NCAM2: variants seen among roughly 807,000 people sequenced by gnomAD.
NCAM2 encodes the protein N-CAM-2.
A neutral mutation model predicts 98.1 loss-of-function variants in NCAM2; 30 were observed. That is an observed-to-expected ratio of 0.31 (90% CI 0.23 to 0.41). The LOEUF (loss-of-function observed/expected upper bound fraction) is 0.41, where lower values mean the gene tolerates loss of function less well. Ranked by LOEUF, NCAM2 falls within the 10% of genes least tolerant of loss-of-function variation. The probability of loss-of-function intolerance (pLI) is 1.00; values close to 1 mark genes in which losing one functional copy is unlikely to be tolerated. For synonymous variants in NCAM2, 368 were observed against 342.4 expected (o/e 1.07, Z -0.83); for missense variants, 867 against 1,005.8 (o/e 0.86, Z 1.87).
chr21:21,062,837 CATT>C (rs1258367716), intron 1 of NCAM2, among the ~76,000 whole-genome samples: 1 of 152,224 alleles, frequency 6.6e-6, no homozygotes, highest in South Asian at 2.1e-4. Context: ...CATTTAAAAA[CATT>C]GTGTCATATG....
chr21:21,151,951 T>G (rs2067461302), intron 1 of NCAM2, among the ~76,000 whole-genome samples: 1 of 152,012 alleles, frequency 6.6e-6, no homozygotes, highest in Non-Finnish European at 1.5e-5. Flanking sequence ...TTTCTTTATG[T>G]GTATCCTAAT....
chr21:21,215,444 A>T (rs2069854793), intron 1 of NCAM2, among the ~76,000 whole-genome samples: 1 of 152,100 alleles, frequency 6.6e-6, no homozygotes, highest in African/African-American at 2.4e-5. Flanking sequence ...CAGTCTCTTC[A>T]AGAGTATATG....
rs1173033779 is a variant in NCAM2, at chr21:21,124,138, C to T, written c.55+125520C>T. 3.3e-5 allele frequency among the ~76,000 whole-genome samples: 5 copies of T among 152,032 alleles called. 1 individual carries two copies. Among genetic ancestry groups the T allele is most frequent in the Admixed American group, 1.3e-4 (2 of 15,242 alleles). ...CTGAGCTTACAGGCGTGAGCCACCG[C>T]GCCCGTCCTGATTGCTTTCTAATAA... is the stretch of plus-strand genomic sequence containing the variant. On this transcript the variant is annotated intron_variant, in intron 1 of 17. Coordinates refer to ENST00000400546, the MANE Select transcript of NCAM2 (RefSeq NM_004540.5).
At chr21:21,524,514 G>C (rs984669777) in intron 16 of NCAM2, among the ~76,000 whole-genome samples, 2 of 148,332 alleles carry the variant, frequency 1.3e-5, no homozygotes, top group African/African-American at 5.0e-5. Context: ...TATACAACAA[G>C]AGCGAAACTC....
At chr21:21,018,125 A>G (rs1253166617) in intron 1 of NCAM2, among the ~76,000 whole-genome samples, 3 of 152,212 alleles carry the variant, frequency 2.0e-5, no homozygotes, top group African/African-American at 7.2e-5. Context: ...GTATAACTGA[A>G]GACTAATTAG....
At chr21:21,366,525 G>A (rs1343910640) in intron 8 of NCAM2, among the ~76,000 whole-genome samples, 1 of 151,998 alleles carries the variant, frequency 6.6e-6, no homozygotes, top group African/African-American at 2.4e-5. Context: ...TCAGTAAAAT[G>A]TCATCAAAAT....
chr21:20,999,703 T>TC (rs1197465609), intron 1 of NCAM2, among the ~76,000 whole-genome samples: 1 of 152,218 alleles, frequency 6.6e-6, no homozygotes, highest in Admixed American at 6.5e-5. Context: ...AGTTAAAATA[T>TC]CCCCAAGATA....
chr21:21,023,448 TG>T (rs890955946), intron 1 of NCAM2, among the ~76,000 whole-genome samples: 1 of 151,548 alleles, frequency 6.6e-6, no homozygotes, highest in Admixed American at 6.6e-5. Flanking sequence ...CACTTGAATC[TG>T]GGAGGCGGAG....
chr21:21,537,954 A>G lies in NCAM2; in HGVS notation c.2511A>G (p.Ala837=), dbSNP rs1990074606. ...IIQSKEDDSK[A] The stretch of plus-strand genomic sequence containing the variant: ...AATCAAAAGAAGACGACAGCAAAGC[A>G]TAACAACAATATTACAGGGGCTTGA... The change falls in exon 18 of 18, where the codon GCA becomes GCG. Residue 837 remains alanine, a synonymous_variant. Transcript: ENST00000400546. 3 of 1,507,872 alleles carry G rather than the reference A, an allele frequency of 2.0e-6. No homozygotes were observed. Among genetic ancestry groups the G allele is most frequent in the Non-Finnish European group, 1.8e-6 (2 of 1,108,258 alleles). 93.4% of individuals were successfully genotyped at this position (1,507,872 alleles called of 1,614,324 possible). A position where few individuals can be genotyped will look rare whatever the true frequency, so the allele number is the denominator to read the frequency against.
At chr21:21,409,699 T>G (rs989043601) in intron 9 of NCAM2, among the ~76,000 whole-genome samples, 3 of 152,228 alleles carry the variant, frequency 2.0e-5, no homozygotes, top group African/African-American at 7.2e-5. Flanking sequence ...AATTTAACTC[T>G]GGTTCTCTTA....
intron 1 of NCAM2, among the ~76,000 whole-genome samples, chr21:21,167,711 A>G (rs899530580): frequency 6.6e-6 from 1 of 152,212 alleles, no homozygotes; most frequent in African/African-American, 2.4e-5. Flanking sequence ...TACGAATTTT[A>G]TAACCTACAC....
In NCAM2 at chr21:21,425,880, C is replaced by T. The variant is rs77915426; in HGVS notation, c.1481-6228C>T. ...AATGTTTCTTGCTCTATTCTGGATG[C>T]TATAGCAAAATATATTAGACTCTGT... On this transcript the variant is annotated intron_variant, in intron 11 of 17. Transcript: ENST00000400546. Among the ~76,000 whole-genome samples, 1,153 of 152,182 alleles carry T rather than the reference C, an allele frequency of 7.6e-3. 13 individuals carry two copies. Among genetic ancestry groups the T allele is most frequent in the African/African-American group, 0.027 (1,106 of 41,520 alleles).
At chr21:21,034,078 T>A (rs2064749060) in intron 1 of NCAM2, among the ~76,000 whole-genome samples, 2 of 151,756 alleles carry the variant, frequency 1.3e-5, no homozygotes, top group African/African-American at 4.8e-5. Context: ...AAGATTGAGA[T>A]AAGCAGATAA....
chr21:21,497,232 A>T (rs1053448485), intron 15 of NCAM2, among the ~76,000 whole-genome samples: 1 of 152,078 alleles, frequency 6.6e-6, no homozygotes, highest in Non-Finnish European at 1.5e-5. Flanking sequence ...GGGTTAAAAA[A>T]CTACCAATCA....
intron 10 of NCAM2, among the ~76,000 whole-genome samples, chr21:21,414,916 A>G (rs1299437094): frequency 6.6e-6 from 1 of 150,806 alleles, no homozygotes; most frequent in African/African-American, 2.4e-5. Context: ...GACTAGGTAC[A>G]TTGTCAATGA....
intron 1 of NCAM2, among the ~76,000 whole-genome samples, chr21:21,226,468 A>G (rs17202945): frequency 0.014 from 2,063 of 152,136 alleles, 86 homozygotes; most frequent in East Asian, 0.13. Flanking sequence ...CCCTGATACA[A>G]TTTTCTTTGA....
At chr21:21,438,491 C>T (rs1440605714) in intron 12 of NCAM2, among the ~76,000 whole-genome samples, 1 of 152,116 alleles carries the variant, frequency 6.6e-6, no homozygotes, top group Non-Finnish European at 1.5e-5. Flanking sequence ...AATGATGTGA[C>T]ATGAAACTAA....
chr21:21,046,069 G>A lies in NCAM2; in HGVS notation c.55+47451G>A, dbSNP rs575078806. The stretch of plus-strand genomic sequence containing the variant: ...GTAAAAGGCTTATGATCATAATGAT[G>A]CTTAAATCCAAGTATGGGCATGCAG... On this transcript the variant is annotated intron_variant, in intron 1 of 17. Coordinates refer to ENST00000400546, the MANE Select transcript of NCAM2 (RefSeq NM_004540.5). Among the ~76,000 whole-genome samples the A allele has an allele frequency of 8.5e-5, 13 of 152,260 alleles. No homozygotes were observed. The South Asian group carries it at 2.3e-3, about 27-fold the overall frequency.
chr21:21,112,519 C>G (rs2066474600), intron 1 of NCAM2, among the ~76,000 whole-genome samples: 1 of 152,116 alleles, frequency 6.6e-6, no homozygotes, highest in African/African-American at 2.4e-5. Flanking sequence ...ACTTTAAATA[C>G]ACCTCAAAAT....
Sources: gnomAD v4.1 joint callset for allele counts (sites outside exome capture counted in the v4.1 genomes callset) on GRCh38, gnomAD v4.1.1 for gene constraint, MANE v1.5 for transcripts, NCBI Gene and HGNC (gene_info 2026-07-23, HGNC 2026-07-21) for gene names.